Variants in TENM1 observed in about 807,000 individuals in gnomAD.
TENM1 encodes the protein teneurin transmembrane protein 1.
Under a neutral mutation model 174.8 loss-of-function variants are expected in TENM1, and 35 were observed. The ratio of observed to expected loss-of-function variants is 0.20; its 90% CI spans 0.15 to 0.27. TENM1 has a LOEUF of 0.27. Ranked by LOEUF, TENM1 falls within the 10% of genes least tolerant of loss-of-function variation. TENM1 has a pLI of 1.00. For missense variants in TENM1, 1,633 were observed against 2,130.1 expected (o/e 0.77, Z 4.59); for synonymous variants, 781 against 798.7 (o/e 0.98, Z 0.37).
chrX:124,875,988 T>C (rs1488827946), intron 3 of TENM1, among the ~76,000 whole-genome samples: 2 of 110,109 alleles, frequency 1.8e-5, no homozygotes, highest in African/African-American at 3.3e-5. Context: ...TACGTTTGTA[T>C]GTATGTCTAT....
At chrX:125,121,034 T>C in the TENM1 span, among the ~76,000 whole-genome samples, 1 of 111,834 alleles carries the variant, frequency 8.9e-6, no homozygotes, top group Non-Finnish European at 1.9e-5. Context: ...AAAGCACATT[T>C]CTTAATAGAT....
chrX:124,448,152 G>C (rs1364734540), intron 23 of TENM1, among the ~76,000 whole-genome samples: 3 of 111,795 alleles, frequency 2.7e-5, no homozygotes, highest in African/African-American at 9.8e-5. Context: ...AATGTTTAAT[G>C]AATCTATCTA....
chrX:124,857,733 G>A (rs1179396614), intron 3 of TENM1, among the ~76,000 whole-genome samples: 2 of 109,602 alleles, frequency 1.8e-5, no homozygotes, highest in Admixed American at 9.7e-5. Context: ...TGAATTGTAT[G>A]ATGTGTGAAA....
chrX:124,698,431 A>G (rs1298522982), intron 5 of TENM1, among the ~76,000 whole-genome samples: 5 of 110,951 alleles, frequency 4.5e-5, no homozygotes, highest in Non-Finnish European at 9.5e-5. Flanking sequence ...ATATTTCTCC[A>G]TTCCATCTCC....
At chrX:124,964,291 G>A (rs779442879), upstream of TENM1, among the ~76,000 whole-genome samples, 2 of 111,970 alleles carry the variant, frequency 1.8e-5, no homozygotes, top group African/African-American at 6.5e-5. Flanking sequence ...TTACATTTAA[G>A]ACAGGGGCTC....
At chrX:124,910,544 G>A (rs1344107032) in intron 1 of TENM1, among the ~76,000 whole-genome samples, 1 of 111,964 alleles carries the variant, frequency 8.9e-6, no homozygotes, top group African/African-American at 3.2e-5. Context: ...AAAGCACAAA[G>A]AGCCAAATAG....
At chrX:124,573,474 C>G (rs915102274) in intron 11 of TENM1, among the ~76,000 whole-genome samples, 2 of 111,482 alleles carry the variant, frequency 1.8e-5, no homozygotes, top group Non-Finnish European at 3.8e-5. Context: ...TGTTATCTTA[C>G]ATGTCTGAAA....
At chrX:124,609,360 G>A (rs1330933191) in intron 11 of TENM1, among the ~76,000 whole-genome samples, 2 of 111,686 alleles carry the variant, frequency 1.8e-5, no homozygotes, top group African/African-American at 6.5e-5. Flanking sequence ...TTTTAGAGGA[G>A]ATGGATTTGT....
At chrX:124,681,393 C>T (rs1412577879) in intron 5 of TENM1, among the ~76,000 whole-genome samples, 1 of 111,799 alleles carries the variant, frequency 8.9e-6, no homozygotes, top group African/African-American at 3.2e-5. Flanking sequence ...TCTGAAGTGA[C>T]ACCATGACAG....
At chrX:125,010,032 G>A in the TENM1 span, among the ~76,000 whole-genome samples, 67 of 111,468 alleles carry the variant, frequency 6.0e-4, no homozygotes, top group African/African-American at 2.1e-3. Flanking sequence ...GTTCTGGCTA[G>A]GGCAATCAGG....
chrX:125,045,304 G>A, the TENM1 span, among the ~76,000 whole-genome samples: 1 of 111,062 alleles, frequency 9.0e-6, no homozygotes, highest in African/African-American at 3.3e-5. Flanking sequence ...AGGAAAGGAG[G>A]GGTGAATCAG....
At chrX:124,653,643 C>A in exon 7 of TENM1, 1 of 1,210,788 alleles carries the variant, frequency 8.3e-7, no homozygotes, top group Non-Finnish European at 1.1e-6. Flanking sequence ...GAGTCCTTGG[C>A]TAAAGAAATA....
exon 30 of TENM1, chrX:124,384,204 T>C (rs764552295): frequency 1.7e-6 from 2 of 1,210,768 alleles, no homozygotes; most frequent in Non-Finnish European, 2.2e-6. Context: ...TTGTAGGCTT[T>C]CTGCAGCAGG....
intron 1 of TENM1, among the ~76,000 whole-genome samples, chrX:124,943,580 C>A (rs964732604): frequency 1.8e-5 from 2 of 112,177 alleles, no homozygotes; most frequent in African/African-American, 6.5e-5. Flanking sequence ...AAGAAAATTT[C>A]TTGAATAGCA....
At chrX:125,026,141 C>A in the TENM1 span, among the ~76,000 whole-genome samples, 3 of 108,460 alleles carry the variant, frequency 2.8e-5, no homozygotes, top group Non-Finnish European at 5.7e-5. Context: ...ATTTAAAATG[C>A]TTGTAAAATA....
chrX:124,420,539 G>C (rs1257951880), exon 25 of TENM1: 5 of 1,210,764 alleles, frequency 4.1e-6, no homozygotes, highest in Non-Finnish European at 5.6e-6. Context: ...GCTGGTAATC[G>C]CGCCCAAGTC....
chrX:124,420,679 C>G, exon 25 of TENM1: 1 of 1,211,670 alleles, frequency 8.3e-7, no homozygotes, highest in Non-Finnish European at 1.1e-6. Context: ...CATAAATGTT[C>G]ATGTCATTCA....
At chrX:124,569,515 A>G (rs1038038318) in intron 11 of TENM1, among the ~76,000 whole-genome samples, 2 of 112,327 alleles carry the variant, frequency 1.8e-5, no homozygotes, top group Non-Finnish European at 3.8e-5. Context: ...TAGGCTCTAA[A>G]GCAAGTCTTG....
the TENM1 span, among the ~76,000 whole-genome samples, chrX:125,163,018 T>G: frequency 9.0e-6 from 1 of 111,383 alleles, no homozygotes; most frequent in Admixed American, 9.6e-5. Context: ...CTTCCCAGAG[T>G]TACCAATGCT....
Sources: gnomAD v4.1 joint callset for allele counts (sites outside exome capture counted in the v4.1 genomes callset) on GRCh38, gnomAD v4.1.1 for gene constraint, MANE v1.5 for transcripts, NCBI Gene and HGNC (gene_info 2026-07-23, HGNC 2026-07-21) for gene names.